The following ALDH1A2 variants were observed in gnomAD, a reference collection of about 807,000 sequenced individuals.
ALDH1A2 encodes aldehyde dehydrogenase 1 family member A2, also known as retinal dehydrogenase 2.
ALDH1A2 carries 27 observed loss-of-function variants against 60.3 expected under a neutral mutation model. That is an observed-to-expected ratio of 0.45 (90% CI 0.33 to 0.62). ALDH1A2 has a LOEUF of 0.62. Ranked by LOEUF, ALDH1A2 falls within the 20% of genes least tolerant of loss-of-function variation. ALDH1A2 has a pLI of 0.02. For synonymous variants in ALDH1A2, 289 were observed against 232.4 expected (o/e 1.24, Z -2.21); for missense variants, 581 against 643.8 (o/e 0.90, Z 1.06).
chr15:57,954,840 G>T lies in ALDH1A2; in HGVS notation c.*357C>A, dbSNP rs948529535. The T allele has an allele frequency of 3.4e-5, 11 of 321,844 alleles. No individual in the cohort carries two copies. The East Asian group carries it at 6.9e-4, about 20-fold the overall frequency. The allele number at this position is 321,844 out of a possible 1,614,324, so 19.9% of individuals were successfully genotyped here. Reference sequence around the variant, plus strand: ...GGAGGAAAATGAAGACAGGAGAAAGGTCACCTTTCCTTGAGAGGAAAGTTC... The same window carrying T: ...GGAGGAAAATGAAGACAGGAGAAAGTTCACCTTTCCTTGAGAGGAAAGTTC... On this transcript the variant is annotated 3_prime_UTR_variant, in exon 13 of 13. Transcript: ENST00000249750.
At chr15:58,047,183 C>T (rs1896659339) in intron 1 of ALDH1A2, among the ~76,000 whole-genome samples, 1 of 151,938 alleles carries the variant, frequency 6.6e-6, no homozygotes, top group Non-Finnish European at 1.5e-5. Flanking sequence ...AATTTCCTAT[C>T]CTCAGTGAAT....
rs115875978 is a variant in ALDH1A2, at chr15:58,010,691, C to A, written c.451G>T (p.Ala151Ser). The A allele has an allele frequency of 4.3e-4, 688 of 1,613,422 alleles. 4 individuals carry two copies. The African/African-American group carries it at 6.6e-3, about 16-fold the overall frequency. Residue 151 changes from alanine (A) to serine (S), a missense_variant, in exon 4 of 13, where the codon GCA becomes TCA. By Grantham distance (99) the Ala-to-Ser change is moderately conservative. Coordinates refer to ENST00000249750, the MANE Select transcript of ALDH1A2 (RefSeq NM_003888.4). Reference protein sequence around the residue: ...QGVIKTFRYYAGWADKIHGMT... With the variant: ...QGVIKTFRYYSGWADKIHGMT... The stretch of plus-strand genomic sequence containing the variant: ...CCATGAATTTTATCAGCCCAGCCTG[C>A]GTAATATCGAAAGGTTTTGATGACG...
intron 3 of ALDH1A2, among the ~76,000 whole-genome samples, chr15:58,011,910 C>T (rs1895644834): frequency 6.6e-6 from 1 of 152,118 alleles, no homozygotes; most frequent in African/African-American, 2.4e-5. Flanking sequence ...GTGTCAATAA[C>T]CAGAATTTGG....
Position 57,981,254 on chromosome 15 carries a change from G to A in ALDH1A2, c.798+11451C>T, listed in dbSNP as rs149983117. Among the ~76,000 whole-genome samples, 28 of 149,610 alleles carry A rather than the reference G, an allele frequency of 1.9e-4. No homozygotes were observed. In the East Asian group the frequency reaches 5.5e-3, roughly 29 times the overall value. ...ATCATCATTTTATCCAAGCAAGCAC[G>A]AAGGCAGTCTTCCAAGAAGTGAAAT... is the stretch of plus-strand genomic sequence containing the variant. On this transcript the variant is annotated intron_variant, in intron 7 of 12. Transcript: ENST00000249750.
At chr15:57,955,872 T>A (rs1395839627) in intron 12 of ALDH1A2, among the ~76,000 whole-genome samples, 3 of 152,226 alleles carry the variant, frequency 2.0e-5, no homozygotes, top group African/African-American at 7.2e-5. Flanking sequence ...TTTTGCCTTG[T>A]TTAAATGCCT....
chr15:58,053,195 G>A (rs1473720775), intron 1 of ALDH1A2, among the ~76,000 whole-genome samples: 3 of 152,086 alleles, frequency 2.0e-5, no homozygotes, highest in Non-Finnish European at 4.4e-5. Context: ...TAATAATAAA[G>A]TTCGAAATAA....
intron 7 of ALDH1A2, chr15:57,990,302 C>T (rs546624266): frequency 2.0e-5 from 3 of 152,162 alleles, no homozygotes; most frequent in South Asian, 4.2e-4. Context: ...TACACATATA[C>T]GTGTGTGTAT....
chr15:57,990,204 C>CT (rs1466663149), intron 7 of ALDH1A2: 2 of 152,208 alleles, frequency 1.3e-5, no homozygotes, highest in Non-Finnish European at 2.9e-5. Flanking sequence ...AACCAATACT[C>CT]TAAGGCCTTC....
intron 4 of ALDH1A2, among the ~76,000 whole-genome samples, chr15:58,009,452 C>T (rs1331093688): frequency 6.6e-6 from 1 of 151,848 alleles, no homozygotes; most frequent in Admixed American, 6.6e-5. Flanking sequence ...CTCAGCCTGG[C>T]TAAGAAGGCC....
chr15:57,974,196 G>T (rs1894163277), intron 7 of ALDH1A2, among the ~76,000 whole-genome samples: 3 of 152,088 alleles, frequency 2.0e-5, no homozygotes, highest in Admixed American at 2.0e-4. Flanking sequence ...AACTTTGGGA[G>T]GCCAAGGCTG....
At chr15:58,054,576 C>G (rs1177966853) in intron 1 of ALDH1A2, among the ~76,000 whole-genome samples, 2 of 152,028 alleles carry the variant, frequency 1.3e-5, no homozygotes, top group Non-Finnish European at 2.9e-5. Flanking sequence ...ACATACCCAC[C>G]CAACTCTTTC....
At chr15:57,975,922 G>A (rs554117466) in intron 7 of ALDH1A2, among the ~76,000 whole-genome samples, 240 of 152,190 alleles carry the variant, frequency 1.6e-3, no homozygotes, top group African/African-American at 5.6e-3. Context: ...GGTTTCACAG[G>A]TAGATGGATA....
intron 7 of ALDH1A2, among the ~76,000 whole-genome samples, chr15:57,979,373 G>A (rs577841324): frequency 1.3e-5 from 2 of 152,346 alleles, no homozygotes; most frequent in Admixed American, 1.3e-4. Context: ...AAAGTGGGAA[G>A]AGGCAAGGCA....
In ALDH1A2 at chr15:57,993,041, T is replaced by C. The variant is rs781200515; in HGVS notation, c.588A>G (p.Lys196=). ...WNFPLLMFAW[K]IAPALCCGNT... ...TGCCACAGCACAAAGCTGGAGCTAT[T>C]TTCCAGGCAAACATCAGCAGGGGGA... The change falls in exon 6 of 13, where the codon AAA becomes AAG. Residue 196 remains lysine, a synonymous_variant. Transcript: ENST00000249750. The C allele has an allele frequency of 5.0e-6, 8 of 1,613,164 alleles. No homozygotes were observed. In the South Asian group the frequency reaches 8.8e-5, roughly 18 times the overall value.
At chr15:58,038,307 C>T (rs1201521015) in intron 1 of ALDH1A2, among the ~76,000 whole-genome samples, 1 of 151,546 alleles carries the variant, frequency 6.6e-6, no homozygotes, top group East Asian at 1.9e-4. Flanking sequence ...GGAGATGATC[C>T]AAGGAGTCAA....
At chr15:57,965,016 A>G (rs1205785408) in intron 8 of ALDH1A2, among the ~76,000 whole-genome samples, 2 of 152,006 alleles carry the variant, frequency 1.3e-5, no homozygotes, top group South Asian at 2.1e-4. Flanking sequence ...GTGGAGGGAA[A>G]AAAAAAAAAG....
intron 4 of ALDH1A2, among the ~76,000 whole-genome samples, chr15:58,006,003 C>A (rs1445575963): frequency 6.8e-6 from 1 of 146,074 alleles, no homozygotes; most frequent in African/African-American, 2.5e-5. Context: ...CATTTACGGG[C>A]ATGTATATCC....
chr15:58,044,691 AG>A (rs1896597050), intron 1 of ALDH1A2, among the ~76,000 whole-genome samples: 1 of 152,026 alleles, frequency 6.6e-6, no homozygotes, highest in Admixed American at 6.6e-5. Context: ...ATCCTCAAAT[AG>A]AAAATTATTT....
intron 1 of ALDH1A2, among the ~76,000 whole-genome samples, chr15:58,016,875 G>T (rs1468373315): frequency 6.6e-6 from 1 of 152,158 alleles, no homozygotes; most frequent in Non-Finnish European, 1.5e-5. Flanking sequence ...GAAGTCTAGA[G>T]ATGCCATCTT....
Sources: allele counts gnomAD v4.1 joint callset (sites outside exome capture counted in the v4.1 genomes callset), GRCh38; gene constraint gnomAD v4.1.1; transcripts MANE v1.5; gene names NCBI Gene and HGNC (gene_info 2026-07-23, HGNC 2026-07-21).